ST3GAL6: variants seen among roughly 807,000 people sequenced by gnomAD.
ST3GAL6 encodes type 2 lactosamine alpha-2,3-sialyltransferase.
In ST3GAL6, 31 loss-of-function variants were observed where a neutral mutation model predicts 40.5. The ratio of observed to expected loss-of-function variants is 0.77; its 90% CI spans 0.58 to 1.03. The LOEUF (loss-of-function observed/expected upper bound fraction) is 1.03. ST3GAL6 is among the 50% of genes least tolerant of loss of function. The pLI, the probability that ST3GAL6 is intolerant of heterozygous loss-of-function variation, is 0.00. For missense variants in ST3GAL6, 357 were observed against 393.2 expected (o/e 0.91, Z 0.78); for synonymous variants, 129 against 136.9 (o/e 0.94, Z 0.40).
At chr3:98,782,668 G>T in intron 5 of ST3GAL6, 2 of 444,728 alleles carry the variant, frequency 4.5e-6, no homozygotes, top group South Asian at 4.1e-5. Context: ...ACAATACTTT[G>T]AGATACCATA....
chr3:98,769,757 T>C (rs1244890251), intron 2 of ST3GAL6, among the ~76,000 whole-genome samples: 2 of 152,238 alleles, frequency 1.3e-5, no homozygotes, highest in Non-Finnish European at 2.9e-5. Flanking sequence ...TTAAGACATA[T>C]AATTGTGTTT....
intron 6 of ST3GAL6, among the ~76,000 whole-genome samples, chr3:98,785,575 G>GA (rs1276608186): frequency 6.6e-6 from 1 of 152,178 alleles, no homozygotes; most frequent in Non-Finnish European, 1.5e-5. Context: ...GAAACCCAGT[G>GA]AAGCTGGAAA....
intron 1 of ST3GAL6, among the ~76,000 whole-genome samples, chr3:98,742,680 CTT>C (rs1290872196): frequency 1.3e-5 from 2 of 149,050 alleles, no homozygotes; most frequent in African/African-American, 4.9e-5. Context: ...TTATATTTTT[CTT>C]TTTCTTTCTT....
Position 98,770,636 on chromosome 3 carries a change from G to C in ST3GAL6, c.90-243G>C, listed in dbSNP as rs1938874871. Reference sequence around the variant, plus strand: ...AAGGTCCTTTGAATCATTGCTCTTGGAATCACTTCTGGGTTGCTCATCACC... The same window carrying C: ...AAGGTCCTTTGAATCATTGCTCTTGCAATCACTTCTGGGTTGCTCATCACC... On this transcript the variant is annotated intron_variant, in intron 2 of 9. Coordinates refer to ENST00000483910, the MANE Select transcript of ST3GAL6 (RefSeq NM_001323368.2). 9 of 425,106 alleles carry C rather than the reference G, an allele frequency of 2.1e-5. No individual in the cohort carries two copies. The South Asian group carries it at 3.1e-4, about 15-fold the overall frequency. 26.3% of individuals were successfully genotyped at this position (425,106 alleles called of 1,614,324 possible).
chr3:98,785,071 A>C, intron 6 of ST3GAL6, 31 bp downstream of exon 6: 1 of 1,462,926 alleles, frequency 6.8e-7, no homozygotes, highest in South Asian at 1.1e-5. Flanking sequence ...CTACCCTAGA[A>C]TTGTTTCAAA....
chr3:98,783,839 TTTTTAAA>T, intron 5 of ST3GAL6: 1 of 289,904 alleles, frequency 3.4e-6, no homozygotes, highest in Non-Finnish European at 5.2e-6. Flanking sequence ...TTAAAAGTAT[TTTTTAAA>T]TTTTAAACCT....
At chr3:98,737,978 G>T (rs1317464338) in intron 1 of ST3GAL6, among the ~76,000 whole-genome samples, 1 of 152,114 alleles carries the variant, frequency 6.6e-6, no homozygotes, top group Non-Finnish European at 1.5e-5. Flanking sequence ...CTGATGGGAG[G>T]TGATTGGATA....
At chr3:98,744,280 AC>A (rs1360256322) in intron 1 of ST3GAL6, among the ~76,000 whole-genome samples, 3 of 152,166 alleles carry the variant, frequency 2.0e-5, no homozygotes, top group Non-Finnish European at 4.4e-5. Context: ...GTTCTAAGCT[AC>A]CCAGTATGTG....
At chr3:98,762,944 G>T (rs572524513), upstream of ST3GAL6, 1 of 985,456 alleles carries the variant, frequency 1.0e-6, no homozygotes, top group African/African-American at 1.7e-5. Flanking sequence ...GATCATCGCT[G>T]CCAGAGGTTG....
intron 1 of ST3GAL6, among the ~76,000 whole-genome samples, chr3:98,752,415 A>G (rs1393537916): frequency 6.6e-6 from 1 of 151,824 alleles, no homozygotes; most frequent in African/African-American, 2.4e-5. Context: ...ATGGTGATCT[A>G]TGATCACTGA....
intron 5 of ST3GAL6, chr3:98,782,275 TG>T (rs1559749960): frequency 1.4e-6 from 1 of 703,450 alleles, no homozygotes; most frequent in Non-Finnish European, 2.6e-6. Context: ...GCTTCTCAGC[TG>T]TTTTCCCAGT....
chr3:98,746,627 G>A (rs1029920423), intron 1 of ST3GAL6, among the ~76,000 whole-genome samples: 1 of 152,114 alleles, frequency 6.6e-6, no homozygotes, highest in Non-Finnish European at 1.5e-5. Context: ...AGAAAATAAC[G>A]TTAACAGTGA....
chr3:98,781,981 G>T (rs1004820579), intron 5 of ST3GAL6, among the ~76,000 whole-genome samples: 11 of 152,188 alleles, frequency 7.2e-5, no homozygotes, highest in Non-Finnish European at 1.6e-4. Flanking sequence ...CAAGCTGGGA[G>T]TGTGAGAATC....
intron 1 of ST3GAL6, among the ~76,000 whole-genome samples, chr3:98,742,758 G>A (rs987775921): frequency 1.3e-5 from 2 of 150,642 alleles, no homozygotes; most frequent in African/African-American, 4.9e-5. Flanking sequence ...GAGTGCAGTG[G>A]CGCAATCTTG....
At chr3:98,787,181 G>T (rs1211167135) in intron 6 of ST3GAL6, among the ~76,000 whole-genome samples, 1 of 152,064 alleles carries the variant, frequency 6.6e-6, no homozygotes, top group Admixed American at 6.6e-5. Context: ...CAATTTTGAA[G>T]CAATCACAGG....
At chr3:98,761,247 C>G (rs1166455013), upstream of ST3GAL6, among the ~76,000 whole-genome samples, 1 of 151,866 alleles carries the variant, frequency 6.6e-6, no homozygotes, top group Non-Finnish European at 1.5e-5. Context: ...AAGTTAGAGA[C>G]CAGGCTGGAC....
chr3:98,776,171 A>G (rs546200179), intron 5 of ST3GAL6, among the ~76,000 whole-genome samples: 30 of 152,332 alleles, frequency 2.0e-4, no homozygotes, highest in African/African-American at 6.7e-4. Flanking sequence ...AATTTTGCCT[A>G]TATTTTAAGT....
intron 6 of ST3GAL6, among the ~76,000 whole-genome samples, chr3:98,786,234 GAGAGA>G (rs1379639625): frequency 6.6e-6 from 1 of 152,116 alleles, no homozygotes; most frequent in Non-Finnish European, 1.5e-5. Context: ...GACTGAGAGA[GAGAGA>G]AGAGAGTGAG....
At chr3:98,732,720 G>A in intron 1 of ST3GAL6, 1 of 803,188 alleles carries the variant, frequency 1.2e-6, no homozygotes, top group Non-Finnish European at 1.8e-6. Flanking sequence ...CGGGATTGGG[G>A]CTGGCGGGAG....
Sources: allele counts gnomAD v4.1 joint callset (sites outside exome capture counted in the v4.1 genomes callset), GRCh38; gene constraint gnomAD v4.1.1; transcripts MANE v1.5; gene names NCBI Gene and HGNC (gene_info 2026-07-23, HGNC 2026-07-21).